LPP: variants seen among roughly 807,000 people sequenced by gnomAD.
The protein encoded by LPP is LIM domain containing preferred translocation partner in lipoma, also known as lipoma-preferred partner.
LPP carries 38 observed loss-of-function variants against 60.4 expected under a neutral mutation model. The observed-to-expected ratio is 0.63, with a 90% CI of 0.49 to 0.83. The LOEUF (loss-of-function observed/expected upper bound fraction) is 0.83, where lower values mean the gene tolerates loss of function less well. Among genes scored for constraint, LPP ranks in the 40% least tolerant of loss-of-function variants. LPP has a pLI of 0.00. For missense variants in LPP, 902 were observed against 783.6 expected, an observed-to-expected ratio of 1.15 and a Z score of -1.80; for synonymous variants, 328 against 290.8, an observed-to-expected ratio of 1.13 and a Z score of -1.30.
chr3:188,302,912 G>T (rs1750382210), intron 2 of LPP, among the ~76,000 whole-genome samples: 1 of 152,150 alleles, frequency 6.6e-6, no homozygotes, highest in Admixed American at 6.5e-5. Context: ...TCTATTCTGG[G>T]TGGGAATTAG....
chr3:188,345,423 G>T (rs939878544), intron 3 of LPP, among the ~76,000 whole-genome samples: 3 of 151,988 alleles, frequency 2.0e-5, no homozygotes, highest in Admixed American at 6.6e-5. Flanking sequence ...TCCTCCACCC[G>T]CCTCCTGCCC....
chr3:188,475,731 T>C (rs1560452286), intron 4 of LPP, among the ~76,000 whole-genome samples: 1 of 151,610 alleles, frequency 6.6e-6, no homozygotes, highest in African/African-American at 2.4e-5. Context: ...TGAAACCCCT[T>C]CTCTGCTAAA....
intron 5 of LPP, among the ~76,000 whole-genome samples, chr3:188,520,594 C>T (rs1818606788): frequency 6.6e-6 from 1 of 152,206 alleles, no homozygotes; most frequent in Admixed American, 6.5e-5. Flanking sequence ...CTCCTTCCTT[C>T]TCTGCTTAAC....
chr3:188,187,262 C>T (rs1241316349), intron 1 of LPP, among the ~76,000 whole-genome samples: 1 of 152,048 alleles, frequency 6.6e-6, no homozygotes, highest in African/African-American at 2.4e-5. Flanking sequence ...GTAAATATTG[C>T]TTAATACAGG....
At chr3:188,744,130 A>G (rs915824404) in intron 8 of LPP, among the ~76,000 whole-genome samples, 6 of 152,184 alleles carry the variant, frequency 3.9e-5, no homozygotes, top group African/African-American at 1.4e-4. Flanking sequence ...ACATACTCAC[A>G]AACATATATA....
At chr3:188,738,142 C>A (rs1022635062) in intron 8 of LPP, among the ~76,000 whole-genome samples, 2 of 152,040 alleles carry the variant, frequency 1.3e-5, no homozygotes, top group African/African-American at 4.8e-5. Flanking sequence ...GTCCACCATC[C>A]CCTGACCTGT....
intron 3 of LPP, among the ~76,000 whole-genome samples, chr3:188,377,507 A>T (rs1775501035): frequency 6.6e-6 from 1 of 152,138 alleles, no homozygotes; most frequent in Non-Finnish European, 1.5e-5. Flanking sequence ...TCGGCTACTG[A>T]GGCTTCTGCA....
intron 4 of LPP, among the ~76,000 whole-genome samples, chr3:188,478,061 A>G (rs1286327097): frequency 6.6e-6 from 1 of 152,188 alleles, no homozygotes; most frequent in East Asian, 1.9e-4. Flanking sequence ...TGTGGAGTGT[A>G]CATTATAGCT....
chr3:188,512,758 A>C (rs1560502580), intron 5 of LPP, among the ~76,000 whole-genome samples: 1 of 152,168 alleles, frequency 6.6e-6, no homozygotes, highest in Admixed American at 6.5e-5. Flanking sequence ...ATACTTGAAA[A>C]TGATGAGCTA....
At chr3:188,319,960 T>A (rs548778993) in intron 2 of LPP, among the ~76,000 whole-genome samples, 2 of 152,322 alleles carry the variant, frequency 1.3e-5, no homozygotes, top group East Asian at 3.9e-4. Context: ...CCTTGACACT[T>A]TTTTAGTGTA....
intron 9 of LPP, among the ~76,000 whole-genome samples, chr3:188,815,994 A>G (rs1577736168): frequency 1.3e-5 from 2 of 152,222 alleles, no homozygotes; most frequent in East Asian, 3.9e-4. Flanking sequence ...AAATGATTAT[A>G]CATCAAGCTC....
chr3:188,466,817 A>C (rs1800528052), intron 4 of LPP, among the ~76,000 whole-genome samples: 1 of 112,920 alleles, frequency 8.9e-6, no homozygotes, highest in African/African-American at 3.4e-5. Flanking sequence ...ATATATATAT[A>C]TATATATATA....
chr3:188,609,332 C>G lies in LPP; in HGVS notation c.601C>G (p.Pro201Ala), dbSNP rs375544166. ...TGTGGCTCCAATCGGAACACTCAAA[C>G]CCCAGCCTCAGCCAGTCCCAGCCTC... ...IPVAPIGTLK[P>A]QPQPVPASYT... The change falls in exon 7 of 12, where the codon CCC (proline) becomes GCC (alanine). Residue 201 changes from proline (P) to alanine (A), a missense_variant. Physicochemically the swap from Pro to Ala is conservative, Grantham distance 27 (BLOSUM62 -1). Transcript: ENST00000617246. This position sits in a 1 kb window ranked among gnomAD's most constrained non-coding sequence, Gnocchi z 6.9. 6 of 1,614,094 alleles carry G rather than the reference C, an allele frequency of 3.7e-6. No individual in the cohort carries two copies. In the South Asian group the frequency reaches 5.5e-5, roughly 15 times the overall value.
At chr3:188,395,255 A>C (rs1023851010) in intron 3 of LPP, among the ~76,000 whole-genome samples, 1 of 152,044 alleles carries the variant, frequency 6.6e-6, no homozygotes, top group Non-Finnish European at 1.5e-5. Flanking sequence ...GTCTCATTCT[A>C]TTGCCCAGGC....
chr3:188,178,730 A>C (rs923336225), intron 1 of LPP: 32 of 155,886 alleles, frequency 2.1e-4, no homozygotes, highest in Admixed American at 1.8e-3. Context: ...TGTTCCAGGG[A>C]CCGGGGACTA....
At chr3:188,726,009 G>A (rs570276106) in intron 8 of LPP, among the ~76,000 whole-genome samples, 10 of 152,242 alleles carry the variant, frequency 6.6e-5, no homozygotes, top group African/African-American at 2.2e-4. Flanking sequence ...CTAAATGAAT[G>A]ATTAGTGGCC....
intron 4 of LPP, among the ~76,000 whole-genome samples, chr3:188,471,859 A>G (rs1210402547): frequency 6.6e-6 from 1 of 152,246 alleles, no homozygotes; most frequent in African/African-American, 2.4e-5. Flanking sequence ...CAAGATCTGG[A>G]TAAAGGCAGC....
chr3:188,825,576 A>G lies in LPP; in HGVS notation c.1411-40624A>G, dbSNP rs191507144. Among the ~76,000 whole-genome samples the G allele has an allele frequency of 1.8e-4, 28 of 151,974 alleles. No individual in the cohort carries two copies. The East Asian group carries it at 2.9e-3, about 16-fold the overall frequency. ...GTTTGGCAGGCGACAGGGTTCTGAG[A>G]GTGAGAGAGTAATGGAATGTGTATG... On this transcript the variant is annotated intron_variant, in intron 9 of 11. Transcript: ENST00000617246.
chr3:188,837,002 A>G (rs1297844525), intron 9 of LPP, among the ~76,000 whole-genome samples: 1 of 152,200 alleles, frequency 6.6e-6, no homozygotes, highest in African/African-American at 2.4e-5. Context: ...TGCCTTCATC[A>G]AGATATTGTG....
Sources: allele counts gnomAD v4.1 joint callset (sites outside exome capture counted in the v4.1 genomes callset), GRCh38; gene constraint gnomAD v4.1.1; non-coding constraint Gnocchi (gnomAD v3.1); transcripts MANE v1.5; gene names NCBI Gene and HGNC (gene_info 2026-07-23, HGNC 2026-07-21).